MUC22: variants seen among roughly 807,000 people sequenced by gnomAD.
MUC22 encodes the protein mucin 22.
Under a neutral mutation model 40.3 loss-of-function variants are expected in MUC22, and 24 were observed. The observed-to-expected ratio is 0.60, with a 90% CI of 0.43 to 0.84. The LOEUF (loss-of-function observed/expected upper bound fraction) is 0.84. Ranked by LOEUF, MUC22 falls within the 40% of genes least tolerant of loss-of-function variation. The pLI, the probability that MUC22 is intolerant of heterozygous loss-of-function variation, is 0.00. For synonymous variants in MUC22, 765 were observed against 844.5 expected, an observed-to-expected ratio of 0.91 and a Z score of 1.63; for missense variants, 1,926 against 2,130.7, an observed-to-expected ratio of 0.90 and a Z score of 1.89.
intron 2 of MUC22, among the ~76,000 whole-genome samples, chr6:31,031,165 GCA>G (rs895790938): frequency 6.6e-5 from 10 of 152,088 alleles, no homozygotes; most frequent in African/African-American, 2.4e-4. Flanking sequence ...TCTGACCTAG[GCA>G]CACCCATCGC....
chr6:31,029,135 C>T, exon 2 of MUC22: 2 of 1,534,722 alleles, frequency 1.3e-6, no homozygotes, highest in Non-Finnish European at 1.7e-6. Context: ...GGCTCAGAGA[C>T]CACCACAGTC....
exon 2 of MUC22, chr6:31,027,075 A>G: frequency 6.7e-7 from 1 of 1,482,958 alleles, no homozygotes; most frequent in Non-Finnish European, 9.0e-7. Flanking sequence ...CTACCATGGC[A>G]TCCACCATGG....
chr6:31,022,020 C>T (rs575806406), intron 1 of MUC22, among the ~76,000 whole-genome samples: 264 of 152,198 alleles, frequency 1.7e-3, no homozygotes, highest in African/African-American at 5.9e-3. Flanking sequence ...GGAACAATTC[C>T]ACACGCATGG....
At chr6:31,019,709 C>T (rs1764529330) in intron 1 of MUC22, among the ~76,000 whole-genome samples, 1 of 152,208 alleles carries the variant, frequency 6.6e-6, no homozygotes, top group African/African-American at 2.4e-5. Flanking sequence ...CAAAAATTAG[C>T]TGGGTGTGGT....
chr6:31,014,116 T>A (rs1764034875), intron 1 of MUC22, among the ~76,000 whole-genome samples: 1 of 152,170 alleles, frequency 6.6e-6, no homozygotes, highest in Non-Finnish European at 1.5e-5. Context: ...GATGACATTA[T>A]AATAAGTATA....
upstream of MUC22, among the ~76,000 whole-genome samples, chr6:31,007,140 T>C (rs940825217): frequency 1.3e-5 from 2 of 152,246 alleles, no homozygotes; most frequent in African/African-American, 4.8e-5. This position sits in a 1 kb window ranked among gnomAD's most constrained non-coding sequence, Gnocchi z 4.0. Context: ...TTCTTTGCAA[T>C]AATTAAATGT....
At chr6:31,033,042 G>A (rs1443080853) in intron 3 of MUC22, among the ~76,000 whole-genome samples, 2 of 152,160 alleles carry the variant, frequency 1.3e-5, no homozygotes, top group East Asian at 3.9e-4. Flanking sequence ...GCATGGACCT[G>A]TAGTCCCAGC....
In MUC22 at chr6:31,034,663, T is replaced by G. The variant is rs1478472483; in HGVS notation, c.5056-9T>G. On this transcript the variant is annotated splice_polypyrimidine_tract_variant and intron_variant, in intron 3 of 3. Coordinates refer to ENST00000561890, the Ensembl canonical transcript of MUC22. Reference sequence around the variant, plus strand: ...TTCATTTATCAATGTATTTATTTTTTTCTTTTAGAGAAACCTTTTCTTCCC... The same window carrying G: ...TTCATTTATCAATGTATTTATTTTTGTCTTTTAGAGAAACCTTTTCTTCCC... 2.0e-6 allele frequency: 3 copies of G among 1,522,378 alleles called. No individual in the cohort carries two copies. The highest frequency in any genetic ancestry group is 2.6e-6 in the Non-Finnish European group (3 of 1,139,260). 94.3% of individuals were successfully genotyped at this position (1,522,378 alleles called of 1,614,324 possible). A position where few individuals can be genotyped will look rare whatever the true frequency, so the allele number is the denominator to read the frequency against.
At chr6:31,030,515 T>G (rs1265859691) in intron 2 of MUC22, among the ~76,000 whole-genome samples, 1 of 42,714 alleles carries the variant, frequency 2.3e-5, no homozygotes, top group Non-Finnish European at 5.4e-5. Context: ...AGACTCCGTC[T>G]CAAAAAAAAA....
At chr6:31,008,544 TTTTC>T (rs1233889491), upstream of MUC22, among the ~76,000 whole-genome samples, 1 of 142,680 alleles carries the variant, frequency 7.0e-6, no homozygotes, top group Non-Finnish European at 1.5e-5. Context: ...ATTGTTTTCT[TTTTC>T]TTTCTTTTTT....
chr6:31,020,440 A>ACTT (rs1449182295), intron 1 of MUC22, among the ~76,000 whole-genome samples: 1 of 82,200 alleles, frequency 1.2e-5, no homozygotes, highest in African/African-American at 4.7e-5. Context: ...CTGGAAATTG[A>ACTT]CTTTTTTTTT....
exon 2 of MUC22, chr6:31,025,727 C>A: frequency 2.0e-6 from 3 of 1,529,344 alleles, no homozygotes; most frequent in Non-Finnish European, 1.8e-6. Flanking sequence ...GCCTCCACCA[C>A]AGACTCAGGG....
At chr6:31,031,922 C>A (rs1581674138) in intron 2 of MUC22, among the ~76,000 whole-genome samples, 1 of 152,264 alleles carries the variant, frequency 6.6e-6, no homozygotes, top group Non-Finnish European at 1.5e-5. Context: ...CTTCTGAACC[C>A]ATCGCGATAA....
exon 2 of MUC22, chr6:31,029,183 A>T (rs752438067): frequency 6.6e-7 from 1 of 1,519,468 alleles, no homozygotes; most frequent in South Asian, 1.2e-5. Flanking sequence ...GCCTCTATTG[A>T]AGGCTCTGAG....
intron 1 of MUC22, among the ~76,000 whole-genome samples, chr6:31,017,649 C>T (rs935825720): frequency 6.6e-6 from 1 of 152,098 alleles, no homozygotes; most frequent in East Asian, 1.9e-4. Flanking sequence ...CCAATCAGTG[C>T]TCTGTGGGGA....
At chr6:31,022,905 G>A (rs1030714904) in intron 1 of MUC22, among the ~76,000 whole-genome samples, 16 of 152,218 alleles carry the variant, frequency 1.1e-4, no homozygotes, top group Non-Finnish European at 2.1e-4. Context: ...TGAGGCAGGT[G>A]GATCACTTGA....
chr6:31,009,233 A>G (rs1763710871), upstream of MUC22, among the ~76,000 whole-genome samples: 2 of 152,144 alleles, frequency 1.3e-5, no homozygotes, highest in Admixed American at 6.6e-5. Flanking sequence ...TCTTTAATGT[A>G]TTTATTTTAA....
chr6:31,014,460 A>G (rs1050731393), intron 1 of MUC22, among the ~76,000 whole-genome samples: 2 of 152,192 alleles, frequency 1.3e-5, no homozygotes, highest in Admixed American at 6.5e-5. Context: ...TGTATTCAGC[A>G]ACATTCTGGA....
chr6:31,010,571 C>G, exon 1 of MUC22: 1 of 627,606 alleles, frequency 1.6e-6, no homozygotes, highest in Non-Finnish European at 2.9e-6. Flanking sequence ...CACTGGCTGG[C>G]CTTTGGGTCT....
Sources: allele counts gnomAD v4.1 joint callset (sites outside exome capture counted in the v4.1 genomes callset), GRCh38; gene constraint gnomAD v4.1.1; non-coding constraint Gnocchi (gnomAD v3.1); transcripts MANE v1.5; gene names NCBI Gene and HGNC (gene_info 2026-07-23, HGNC 2026-07-21).